SYTL2: variants seen among roughly 807,000 people sequenced by gnomAD.
The protein encoded by SYTL2 is synaptotagmin-like protein 2.
SYTL2 carries 165 observed loss-of-function variants against 198.7 expected under a neutral mutation model. The observed-to-expected ratio is 0.83, with a 90% CI of 0.73 to 0.94. The LOEUF (loss-of-function observed/expected upper bound fraction) is 0.94. SYTL2 is among the 40% of genes least tolerant of loss of function. SYTL2 has a pLI of 0.00. For missense variants in SYTL2, 2,835 were observed against 2,582.8 expected (o/e 1.10, Z -2.12); for synonymous variants, 966 against 917.7 (o/e 1.05, Z -0.95).
chr11:85,809,857 G>A (rs1166844905), intron 1 of SYTL2, among the ~76,000 whole-genome samples: 1 of 152,184 alleles, frequency 6.6e-6, no homozygotes, highest in African/African-American at 2.4e-5. Context: ...GGGTGAGAAG[G>A]GGCAGAACTT....
intron 1 of SYTL2, among the ~76,000 whole-genome samples, chr11:85,761,685 G>T (rs2092099919): frequency 6.6e-6 from 1 of 152,128 alleles, no homozygotes; most frequent in African/African-American, 2.4e-5. Flanking sequence ...TTGAGACAGG[G>T]TCTCACTCCA....
the SYTL2 span, among the ~76,000 whole-genome samples, chr11:85,848,787 T>A: frequency 6.6e-6 from 1 of 152,234 alleles, no homozygotes; most frequent in Non-Finnish European, 1.5e-5. Flanking sequence ...GTTCCTGGGA[T>A]AAGAAACCCT....
chr11:85,697,414 C>T (rs2083558831), intron 18 of SYTL2, among the ~76,000 whole-genome samples: 1 of 152,084 alleles, frequency 6.6e-6, no homozygotes, highest in African/African-American at 2.4e-5. Context: ...ATTAGAGAAA[C>T]TAGGAGAGCA....
the SYTL2 span, among the ~76,000 whole-genome samples, chr11:85,826,866 AGTGAAAGT>A: frequency 6.6e-6 from 1 of 152,238 alleles, no homozygotes; most frequent in Admixed American, 6.5e-5. Context: ...AGAGATGAAC[AGTGAAAGT>A]GGGAAAGTGA....
At chr11:85,776,457 T>C (rs906937020) in intron 1 of SYTL2, among the ~76,000 whole-genome samples, 45 of 152,192 alleles carry the variant, frequency 3.0e-4, no homozygotes, top group African/African-American at 9.9e-4. Flanking sequence ...TGTCCATCTG[T>C]TCTCATTGTT....
chr11:85,716,881 G>C (rs1310596648), intron 11 of SYTL2, among the ~76,000 whole-genome samples: 1 of 152,112 alleles, frequency 6.6e-6, no homozygotes, highest in Non-Finnish European at 1.5e-5. Context: ...ACATTAATTA[G>C]TAGATGGGCA....
At chr11:85,763,926 ACAAT>A in intron 1 of SYTL2, among the ~76,000 whole-genome samples, 1 of 152,364 alleles carries the variant, frequency 6.6e-6, no homozygotes, top group Admixed American at 6.5e-5. Flanking sequence ...GTTGAATGTG[ACAAT>A]CAGAGACTCT....
At chr11:85,783,771 T>C (rs2092598032) in intron 1 of SYTL2, among the ~76,000 whole-genome samples, 1 of 152,202 alleles carries the variant, frequency 6.6e-6, no homozygotes, top group Admixed American at 6.5e-5. Context: ...CCAATTCCAG[T>C]GTCCATGCTC....
chr11:85,787,008 C>G (rs1249765541), intron 1 of SYTL2, among the ~76,000 whole-genome samples: 2 of 152,148 alleles, frequency 1.3e-5, no homozygotes, highest in African/African-American at 2.4e-5. Flanking sequence ...ATAGTAGAAC[C>G]AGATAAGCTG....
intron 2 of SYTL2, among the ~76,000 whole-genome samples, chr11:85,755,280 A>C (rs901306078): frequency 1.3e-5 from 2 of 152,106 alleles, no homozygotes; most frequent in Non-Finnish European, 2.9e-5. Context: ...TCTGCCATCT[A>C]TCTGTGCACT....
intron 6 of SYTL2, among the ~76,000 whole-genome samples, chr11:85,736,135 C>T (rs1203422117): frequency 1.3e-5 from 2 of 152,220 alleles, no homozygotes; most frequent in Non-Finnish European, 2.9e-5. Flanking sequence ...GCTTTTTCTT[C>T]TTGAGGCAAG....
At chr11:85,833,137 A>C in the SYTL2 span, among the ~76,000 whole-genome samples, 7 of 126,232 alleles carry the variant, frequency 5.5e-5, 1 homozygote, top group South Asian at 9.5e-4. Context: ...GAAGGAAGGA[A>C]GGAAGGAAGG....
chr11:85,816,662 C>G, the SYTL2 span, among the ~76,000 whole-genome samples: 1 of 152,166 alleles, frequency 6.6e-6, no homozygotes, highest in African/African-American at 2.4e-5. Context: ...GTAATACCAA[C>G]ACTTTGGGAC....
At chr11:85,822,999 T>G in the SYTL2 span, among the ~76,000 whole-genome samples, 5 of 152,246 alleles carry the variant, frequency 3.3e-5, no homozygotes, top group African/African-American at 9.6e-5. Flanking sequence ...CCTAACCTTG[T>G]GGCTGTGACT....
chr11:85,833,123 G>GA, the SYTL2 span, among the ~76,000 whole-genome samples: 28 of 101,982 alleles, frequency 2.7e-4, no homozygotes, highest in East Asian at 5.3e-3. Flanking sequence ...AGGAAGGAAG[G>GA]AAGGAAGGAA....
At chr11:85,756,846 A>T (rs2091895612) in intron 2 of SYTL2, among the ~76,000 whole-genome samples, 1 of 152,226 alleles carries the variant, frequency 6.6e-6, no homozygotes, top group Non-Finnish European at 1.5e-5. Context: ...GTAAGAACAT[A>T]TCTTATGCTC....
chr11:85,794,463 G>A (rs995435901), intron 1 of SYTL2, among the ~76,000 whole-genome samples: 3 of 152,132 alleles, frequency 2.0e-5, no homozygotes, highest in Non-Finnish European at 4.4e-5. Flanking sequence ...ACAGTCACGA[G>A]CCACCACGCC....
rs568929588 is a variant in SYTL2, at chr11:85,787,132, G to A, written c.-390+23822C>T. Among the ~76,000 whole-genome samples, 7 of 152,268 alleles carry A rather than the reference G, an allele frequency of 4.6e-5. No individual in the cohort carries two copies. In the East Asian group the frequency reaches 1.2e-3, roughly 25 times the overall value. On this transcript the variant is annotated intron_variant, in intron 1 of 19. Transcript: ENST00000359152. ...ATCCGAGCCTGCTGTAGTAGCAAGT[G>A]CATACATAGCTTTGTTTAGAGATCT...
the SYTL2 span, among the ~76,000 whole-genome samples, chr11:85,848,518 T>C: frequency 1.3e-5 from 2 of 152,128 alleles, no homozygotes; most frequent in African/African-American, 4.8e-5. Context: ...CAAATAGATA[T>C]CCAATAGTTA....
Sources: allele counts gnomAD v4.1 joint callset (sites outside exome capture counted in the v4.1 genomes callset), GRCh38; gene constraint gnomAD v4.1.1; transcripts MANE v1.5; gene names NCBI Gene and HGNC (gene_info 2026-07-23, HGNC 2026-07-21).